The following RSRP1 variants were observed in gnomAD, a reference collection of about 807,000 sequenced individuals.
RSRP1 encodes the protein arginine/serine-rich protein 1.
In RSRP1, 37 loss-of-function variants were observed where a neutral mutation model predicts 33.0. The observed-to-expected ratio is 1.12, with a 90% CI of 0.86 to 1.48. RSRP1 has a LOEUF of 1.48. Among genes scored for constraint, RSRP1 ranks in the 40% most tolerant of loss-of-function variants. The probability of loss-of-function intolerance (pLI) is 0.00; values close to 1 mark genes in which losing one functional copy is unlikely to be tolerated. For missense variants in RSRP1, 402 were observed against 385.3 expected (o/e 1.04, Z -0.36); for synonymous variants, 167 against 158.7 (o/e 1.05, Z -0.40).
intron 1 of RSRP1, chr1:25,307,044 G>C: frequency 2.9e-6 from 1 of 342,222 alleles, no homozygotes; most frequent in Non-Finnish European, 6.0e-6. Flanking sequence ...GGTTCAGGTC[G>C]TGATGCAGAG....
At chr1:25,263,550 G>C (rs754503240) in intron 1 of RSRP1, among the ~76,000 whole-genome samples, 1 of 151,856 alleles carries the variant, frequency 6.6e-6, no homozygotes, top group African/African-American at 2.4e-5. Flanking sequence ...AGAACAGCAC[G>C]GGTAAGACCT....
At position 25,287,572 on chromosome 1, in the gene RSRP1, G is replaced by GC. The variant is rs1228916910; in HGVS notation, c.-66-40544_-66-40543insG. On this transcript the variant is annotated intron_variant, in intron 1 of 1. Transcript: ENST00000561867. ...CTCCAGCTTGTGCCACTTGACTTGG[G>GC]ACTGATTTGGTTCTGTTTTGAGTCC... 1.5e-5 allele frequency among the ~76,000 whole-genome samples: 2 copies of GC among 134,918 alleles called. 1 individual carries two copies. The highest frequency in any genetic ancestry group is 5.1e-5 in the African/African-American group (2 of 39,052). 88.5% of individuals were successfully genotyped at this position (134,918 alleles called of 152,430 possible). A position where few individuals can be genotyped will look rare whatever the true frequency, so the allele number is the denominator to read the frequency against.
chr1:25,286,569 G>A (rs1381488775), intron 1 of RSRP1, among the ~76,000 whole-genome samples: 2 of 134,390 alleles, frequency 1.5e-5, no homozygotes, highest in African/African-American at 2.6e-5. Context: ...GGGGGATCAT[G>A]AGGTCAGGAG....
intron 1 of RSRP1, among the ~76,000 whole-genome samples, chr1:25,330,740 T>C (rs1644986941): frequency 7.6e-6 from 1 of 131,076 alleles, no homozygotes; most frequent in East Asian, 2.0e-4. Flanking sequence ...ATTAGTCTGC[T>C]TGGGCTACCA....
rs1296808709 is a variant in RSRP1, at chr1:25,329,165, C to A, written c.-67+8813G>T. On this transcript the variant is annotated intron_variant, in intron 1 of 1. Transcript: ENST00000561867. ...ACAGCCATGTACCACATAACAACAT[C>A]TTGGTAAACAACAGACTGCATATAT... 8.4e-6 allele frequency: 8 copies of A among 949,204 alleles called. 2 individuals are homozygous for A. Among genetic ancestry groups the A allele is most frequent in the South Asian group, 4.2e-5 (3 of 71,260 alleles). 58.8% of individuals were successfully genotyped at this position (949,204 alleles called of 1,614,324 possible). A position where few individuals can be genotyped will look rare whatever the true frequency, so the allele number is the denominator to read the frequency against.
intron 1 of RSRP1, among the ~76,000 whole-genome samples, chr1:25,316,635 A>G (rs553646189): frequency 0.017 from 2,000 of 119,170 alleles, 193 homozygotes; most frequent in African/African-American, 0.05. Context: ...AAAAAAAAAA[A>G]AGAGAGAGAG....
At chr1:25,279,807 A>G (rs1401179338) in intron 1 of RSRP1, among the ~76,000 whole-genome samples, 1 of 130,334 alleles carries the variant, frequency 7.7e-6, no homozygotes. Flanking sequence ...CGTAGAATGT[A>G]CAATTCCCCT....
chr1:25,249,489 C>T (rs140723771), upstream of RSRP1, among the ~76,000 whole-genome samples: 1 of 152,262 alleles, frequency 6.6e-6, no homozygotes, highest in East Asian at 1.9e-4. Flanking sequence ...CAGACGTGCA[C>T]CATCATGCCC....
intron 1 of RSRP1, 46 bp from the exon 2 acceptor site, chr1:25,247,075 C>A: frequency 1.7e-6 from 2 of 1,176,602 alleles, no homozygotes; most frequent in Non-Finnish European, 2.3e-6. Flanking sequence ...CGGAAGCCGG[C>A]GCCTGGCCAC....
Position 25,263,626 on chromosome 1 carries a change from T to C in RSRP1, c.-66-16597A>G, listed in dbSNP as rs868071393. ...AACGCATGGGAATTCAGGATGAGAT[T>C]TGGGTGGGGACACAACCAAACCCTA... On this transcript the variant is annotated intron_variant, in intron 1 of 1. Coordinates refer to the RSRP1 transcript ENST00000561867. Among the ~76,000 whole-genome samples the C allele has an allele frequency of 2.6e-5, 4 of 151,774 alleles. No individual in the cohort carries two copies. In the South Asian group the frequency reaches 6.3e-4, roughly 24 times the overall value.
chr1:25,251,002 C>G (rs1639760523), upstream of RSRP1, among the ~76,000 whole-genome samples: 2 of 151,266 alleles, frequency 1.3e-5, no homozygotes, highest in South Asian at 4.2e-4. Flanking sequence ...CAGCGAGACT[C>G]CAACTCAAAG....
intron 1 of RSRP1, among the ~76,000 whole-genome samples, chr1:25,254,293 C>A (rs186644927): frequency 3.7e-4 from 57 of 152,250 alleles, no homozygotes; most frequent in Non-Finnish European, 8.8e-5. Context: ...CAGTGCTATA[C>A]AGGAGGCACC....
In RSRP1 at chr1:25,246,442, A is replaced by C. The variant is rs1227428034; in HGVS notation, c.520+2T>G. On this transcript the variant is annotated splice_donor_variant, in intron 2 of 4. Transcript: ENST00000243189. LOFTEE classifies it high-confidence loss of function. ...AAATGGAAAGGTAAATGACCCACCC[A>C]CCTTTTTCACTTAAGCGAAAGGGGG... 1 of 1,611,946 alleles carries C rather than the reference A, an allele frequency of 6.2e-7. No homozygotes were observed. Among genetic ancestry groups the C allele is most frequent in the South Asian group, 1.1e-5 (1 of 91,058 alleles).
chr1:25,250,817 T>C (rs1198248273), upstream of RSRP1, among the ~76,000 whole-genome samples: 2 of 152,044 alleles, frequency 1.3e-5, no homozygotes, highest in Non-Finnish European at 2.9e-5. Flanking sequence ...GAGACCAGCC[T>C]GGTCAACTTG....
intron 1 of RSRP1, chr1:25,330,511 G>A (rs1644980633): frequency 7.5e-6 from 1 of 132,644 alleles, no homozygotes; most frequent in African/African-American, 2.6e-5. Flanking sequence ...ATTTTTCTAG[G>A]ACTTTTAAAC....
rs1640645436 is a variant in RSRP1 at position 25,273,252 on chromosome 1, C to G, written c.-66-26223G>C. Among the ~76,000 whole-genome samples, 2 of 127,244 alleles carry G rather than the reference C, an allele frequency of 1.6e-5. 1 individual carries two copies. The highest frequency in any genetic ancestry group is 3.7e-5 in the Non-Finnish European group (2 of 53,932). The allele number at this position is 127,244 out of a possible 152,430, so 83.5% of individuals were successfully genotyped here. On this transcript the variant is annotated intron_variant, in intron 1 of 1. Transcript: ENST00000561867. ...CTAGTCTCAAGCAATCTTCCCACCTCAGCCTCCCAAGAAGCTGGGACCACA... is the reference window on the plus strand; with the variant it reads ...CTAGTCTCAAGCAATCTTCCCACCTGAGCCTCCCAAGAAGCTGGGACCACA...
Position 25,274,476 on chromosome 1 carries a change from G to A in RSRP1, c.-66-27447C>T, listed in dbSNP as rs1315095868. Among the ~76,000 whole-genome samples, 25 of 132,256 alleles carry A rather than the reference G, an allele frequency of 1.9e-4. 6 individuals are homozygous for A. The highest frequency in any genetic ancestry group is 1.8e-3 in the Admixed American group (25 of 13,544). The allele number at this position is 132,256 out of a possible 152,430, so 86.8% of individuals were successfully genotyped here. On this transcript the variant is annotated intron_variant, in intron 1 of 1. Transcript: ENST00000561867. ...CGTGCTACTAACGTAGGTACAAAAT[G>A]TCCTCAGAAACTCACTTTATACGGA...
chr1:25,249,326 G>A (rs920246102), upstream of RSRP1, among the ~76,000 whole-genome samples: 7 of 152,026 alleles, frequency 4.6e-5, no homozygotes, highest in Non-Finnish European at 8.8e-5. Flanking sequence ...CCTAAAAAAT[G>A]GTGACCAGAA....
At position 25,296,812 on chromosome 1, in the gene RSRP1, G is replaced by GT. The variant is rs1263839399; in HGVS notation, c.-67+41165dup. ...TTCCCTTTCACCTTCCACCATGATT[G>GT]TAAGTTTCCTGAGGCCTCCCCGGCC... On this transcript the variant is annotated intron_variant, in intron 1 of 1. Coordinates refer to the RSRP1 transcript ENST00000561867. Among the ~76,000 whole-genome samples, 2 of 124,270 alleles carry GT rather than the reference G, an allele frequency of 1.6e-5. 1 individual carries two copies. Among genetic ancestry groups the GT allele is most frequent in the Non-Finnish European group, 3.8e-5 (2 of 52,116 alleles). 81.5% of individuals were successfully genotyped at this position (124,270 alleles called of 152,430 possible). A position where few individuals can be genotyped will look rare whatever the true frequency, so the allele number is the denominator to read the frequency against.
Sources: allele counts gnomAD v4.1 joint callset (sites outside exome capture counted in the v4.1 genomes callset), GRCh38; gene constraint gnomAD v4.1.1; transcripts MANE v1.5; gene names NCBI Gene and HGNC (gene_info 2026-07-23, HGNC 2026-07-21).